Variants in RTN1 observed in about 807,000 individuals in gnomAD.
RTN1 encodes reticulon-1.
Under a neutral mutation model 65.5 loss-of-function variants are expected in RTN1, and 25 were observed. That is an observed-to-expected ratio of 0.38 (90% CI 0.28 to 0.53). The LOEUF (loss-of-function observed/expected upper bound fraction) is 0.53, where lower values mean the gene tolerates loss of function less well. Ranked by LOEUF, RTN1 falls within the 20% of genes least tolerant of loss-of-function variation. RTN1 has a pLI of 0.79. For missense variants in RTN1, 983 were observed against 1,025.4 expected, an observed-to-expected ratio of 0.96 and a Z score of 0.57; for synonymous variants, 471 against 447.6, an observed-to-expected ratio of 1.05 and a Z score of -0.66.
chr14:59,750,185 A>ATATAATATTATAT (rs1566713268), intron 1 of RTN1, among the ~76,000 whole-genome samples: 1 of 21,896 alleles, frequency 4.6e-5, no homozygotes, highest in Non-Finnish European at 6.8e-5. Context: ...AATATATAAT[A>ATATAATATTATAT]CATATATTAT....
At chr14:59,758,557 A>G (rs2139540959) in intron 1 of RTN1, among the ~76,000 whole-genome samples, 1 of 152,072 alleles carries the variant, frequency 6.6e-6, no homozygotes, top group African/African-American at 2.4e-5. Context: ...TCCAAATAAC[A>G]TCTCTGGTGA....
rs548891818 is a variant in RTN1 at position 59,603,812 on chromosome 14, G to C, written c.2182+40C>G. On this transcript the variant is annotated intron_variant, in intron 6 of 8. Coordinates refer to ENST00000267484, the MANE Select transcript of RTN1 (RefSeq NM_021136.3). ...GCCTAGGAAGCAGCGTTTTCACAGA[G>C]GGGGTGAAGGAAGACGTATACAGTC... is the stretch of plus-strand genomic sequence containing the variant. The C allele has an allele frequency of 3.3e-6, 5 of 1,528,042 alleles. No homozygotes were observed. In the African/African-American group the frequency reaches 4.1e-5, roughly 13 times the overall value. 94.7% of individuals were successfully genotyped at this position (1,528,042 alleles called of 1,614,324 possible). A position where few individuals can be genotyped will look rare whatever the true frequency, so the allele number is the denominator to read the frequency against.
intron 3 of RTN1, among the ~76,000 whole-genome samples, chr14:59,676,447 T>C (rs1375741997): frequency 6.6e-6 from 1 of 152,218 alleles, no homozygotes; most frequent in African/African-American, 2.4e-5. Context: ...TCAGTAGTTA[T>C]ATGGCCTTAA....
chr14:59,751,875 G>C (rs879634437), intron 1 of RTN1, among the ~76,000 whole-genome samples: 1 of 152,082 alleles, frequency 6.6e-6, no homozygotes, highest in Non-Finnish European at 1.5e-5. Flanking sequence ...CTGTAGCCTG[G>C]CATTTGAGAC....
intron 3 of RTN1, among the ~76,000 whole-genome samples, chr14:59,651,815 A>C (rs768013859): frequency 6.6e-6 from 1 of 152,158 alleles, no homozygotes; most frequent in Non-Finnish European, 1.5e-5. Context: ...AATCACCAAA[A>C]GCAACCACGA....
chr14:59,667,383 G>C (rs1883402676), intron 3 of RTN1, among the ~76,000 whole-genome samples: 1 of 152,146 alleles, frequency 6.6e-6, no homozygotes, highest in Non-Finnish European at 1.5e-5. Flanking sequence ...AATAGGTGCA[G>C]AAAAGGCCTT....
intron 3 of RTN1, among the ~76,000 whole-genome samples, chr14:59,639,501 G>A (rs181674613): frequency 7.2e-5 from 11 of 152,198 alleles, no homozygotes; most frequent in East Asian, 1.9e-4. Flanking sequence ...TATTTTTTCC[G>A]TTCCAATCTT....
chr14:59,694,561 C>T (rs539977868), intron 3 of RTN1, among the ~76,000 whole-genome samples: 4 of 152,172 alleles, frequency 2.6e-5, no homozygotes, highest in Non-Finnish European at 5.9e-5. Flanking sequence ...AAAATTTGCA[C>T]GGTGCAAAAA....
intron 3 of RTN1, among the ~76,000 whole-genome samples, chr14:59,612,005 C>T (rs1207315184): frequency 1.3e-5 from 2 of 152,126 alleles, no homozygotes; most frequent in Non-Finnish European, 2.9e-5. Context: ...CCCAGAGACC[C>T]CATTGTGAAT....
chr14:59,625,830 C>T (rs1489305858), intron 3 of RTN1, among the ~76,000 whole-genome samples: 1 of 152,086 alleles, frequency 6.6e-6, no homozygotes, highest in Non-Finnish European at 1.5e-5. Context: ...AATGTTAATA[C>T]ATTTTGAAAA....
intron 3 of RTN1, among the ~76,000 whole-genome samples, chr14:59,704,675 T>C (rs1884252995): frequency 6.6e-6 from 1 of 152,050 alleles, no homozygotes; most frequent in African/African-American, 2.4e-5. Flanking sequence ...ACAATCAAAT[T>C]GCCAGTCACT....
At chr14:59,756,836 T>C (rs1253397606) in intron 1 of RTN1, among the ~76,000 whole-genome samples, 5 of 106,814 alleles carry the variant, frequency 4.7e-5, no homozygotes. Flanking sequence ...ATAATTCTTT[T>C]TTTTGTTTTT....
chr14:59,750,283 T>TAGATATAATATCTATAATATATA (rs1885452427), intron 1 of RTN1, among the ~76,000 whole-genome samples: 7 of 32,788 alleles, frequency 2.1e-4, no homozygotes, highest in African/African-American at 1.1e-3. Flanking sequence ...TAATATATAA[T>TAGATATAATATCTATAATATATA]ATATATAATA....
intron 3 of RTN1, among the ~76,000 whole-genome samples, chr14:59,618,643 T>C (rs942255717): frequency 7.9e-5 from 12 of 152,238 alleles, no homozygotes; most frequent in Admixed American, 2.6e-4. Context: ...CACTTGTATC[T>C]TGGCTAGTTA....
intron 3 of RTN1, among the ~76,000 whole-genome samples, chr14:59,640,320 T>A (rs12589464): frequency 0.43 from 65,266 of 151,888 alleles, 14,989 homozygotes; most frequent in African/African-American, 0.58. Flanking sequence ...TTAATTAATT[T>A]ATTTATTTAT....
chr14:59,750,101 T>A (rs1885421030), intron 1 of RTN1, among the ~76,000 whole-genome samples: 2 of 63,234 alleles, frequency 3.2e-5, no homozygotes, highest in African/African-American at 2.0e-4. Flanking sequence ...ATATTATATA[T>A]TATATATTAT....
chr14:59,818,011 A>AC (rs1222857056), intron 1 of RTN1, among the ~76,000 whole-genome samples: 24 of 151,846 alleles, frequency 1.6e-4, no homozygotes. Context: ...TAGTTTTTCA[A>AC]CCCTTACCCT....
intron 1 of RTN1, among the ~76,000 whole-genome samples, chr14:59,773,471 C>T (rs1383867558): frequency 6.6e-6 from 1 of 152,016 alleles, no homozygotes; most frequent in East Asian, 1.9e-4. Context: ...AATAAATCAG[C>T]ACAAAAAAGA....
intron 3 of RTN1, among the ~76,000 whole-genome samples, chr14:59,690,291 C>T (rs1883933322): frequency 6.7e-6 from 1 of 149,580 alleles, no homozygotes; most frequent in Admixed American, 6.6e-5. Context: ...AAAAGGAAAA[C>T]AAAGAGCGGA....
Sources: allele counts gnomAD v4.1 joint callset (sites outside exome capture counted in the v4.1 genomes callset), GRCh38; gene constraint gnomAD v4.1.1; transcripts MANE v1.5; gene names NCBI Gene and HGNC (gene_info 2026-07-23, HGNC 2026-07-21).